The following OSR1 variants were observed in gnomAD, a reference collection of about 807,000 sequenced individuals.
OSR1 encodes the protein odd-skipped related transcription factor 1.
Under a neutral mutation model 15.7 loss-of-function variants are expected in OSR1, and 3 were observed. The ratio of observed to expected loss-of-function variants is 0.19; its 90% CI spans 0.09 to 0.50. OSR1 has a LOEUF of 0.50. Ranked by LOEUF, OSR1 falls within the 20% of genes least tolerant of loss-of-function variation. OSR1 has a pLI of 0.97. For synonymous variants in OSR1, 166 were observed against 152.7 expected (o/e 1.09, Z -0.64); for missense variants, 271 against 351.1 (o/e 0.77, Z 1.82).
At chr2:19,348,663 G>T (rs1480920860), downstream of OSR1, among the ~76,000 whole-genome samples, 1 of 152,148 alleles carries the variant, frequency 6.6e-6, no homozygotes, top group Non-Finnish European at 1.5e-5. Flanking sequence ...GAATTCCGCG[G>T]CAAGGAAGTA....
At chr2:19,350,148 G>T (rs1330260994), downstream of OSR1, among the ~76,000 whole-genome samples, 2 of 152,228 alleles carry the variant, frequency 1.3e-5, no homozygotes, top group Admixed American at 1.3e-4. Context: ...GCAGCGCCCT[G>T]CCCCTCATCC....
chr2:19,355,516 A>T (rs1299755653), intron 1 of OSR1: 3 of 152,212 alleles, frequency 2.0e-5, no homozygotes, highest in African/African-American at 4.8e-5. Flanking sequence ...GGCAATGTTG[A>T]CCCAGGAAAA....
In OSR1 at chr2:19,357,186, A is replaced by G. The variant is rs889146090; in HGVS notation, c.-33+1155T>C. 2.6e-5 allele frequency among the ~76,000 whole-genome samples: 4 copies of G among 151,926 alleles called. No homozygotes were observed. The highest frequency in any genetic ancestry group is 5.9e-5 in the Non-Finnish European group (4 of 67,968). On this transcript the variant is annotated intron_variant, in intron 1 of 2. Transcript: ENST00000272223. The surrounding 1 kb of genome is among the most constrained non-coding windows in gnomAD (Gnocchi z 5.0). ...ATTCCCCAATCTTAATAAAACAGCAATTACCTCGAGGAGCCTGGGATGGAA... is the reference window on the plus strand; with the variant it reads ...ATTCCCCAATCTTAATAAAACAGCAGTTACCTCGAGGAGCCTGGGATGGAA...
At chr2:19,356,788 G>T (rs1285320710) in intron 1 of OSR1, 2 of 152,314 alleles carry the variant, frequency 1.3e-5, no homozygotes, top group Non-Finnish European at 2.9e-5. Flanking sequence ...GCGGGCACTC[G>T]CGTCCCTCGC....
chr2:19,349,582 G>A (rs45501493), downstream of OSR1, among the ~76,000 whole-genome samples: 1,575 of 152,310 alleles, frequency 0.01, 24 homozygotes, highest in African/African-American at 0.036. Flanking sequence ...TGGAGGTGGG[G>A]TGACCCAAAA....
Position 19,352,176 on chromosome 2 carries a change from G to C in OSR1, c.*99C>G, listed in dbSNP as rs1664854258. ...CAATGTTGGAGAGGTGGAAGGTCCCGAGCGAGCGCCTCTCCCGCTGCCCGC... is the reference window on the plus strand; with the variant it reads ...CAATGTTGGAGAGGTGGAAGGTCCCCAGCGAGCGCCTCTCCCGCTGCCCGC... On this transcript the variant is annotated 3_prime_UTR_variant, in exon 3 of 3. Coordinates refer to ENST00000272223, the MANE Select transcript of OSR1 (RefSeq NM_145260.3). 5 of 1,386,014 alleles carry C rather than the reference G, an allele frequency of 3.6e-6. No homozygotes were observed. In the South Asian group the frequency reaches 5.3e-5, roughly 15 times the overall value. The allele number at this position is 1,386,014 out of a possible 1,614,324, so 85.9% of individuals were successfully genotyped here.
At chr2:19,347,698 G>C (rs546148376), downstream of OSR1, among the ~76,000 whole-genome samples, 26 of 152,336 alleles carry the variant, frequency 1.7e-4, no homozygotes, top group African/African-American at 6.0e-4. Flanking sequence ...CTACCTCAGA[G>C]AGGCTGCCCA....
rs938848183 is a variant in OSR1, at chr2:19,352,127, C to T, written c.*148G>A. The T allele has an allele frequency of 3.2e-5, 28 of 886,280 alleles. No individual in the cohort carries two copies. Among genetic ancestry groups the T allele is most frequent in the Non-Finnish European group, 4.2e-5 (26 of 613,958 alleles). The allele number at this position is 886,280 out of a possible 1,614,324, so 54.9% of individuals were successfully genotyped here. A position where few individuals can be genotyped will look rare whatever the true frequency, so the allele number is the denominator to read the frequency against. Reference sequence around the variant, plus strand: ...GGCCCCGGGCGGGGCTCTGAAGTGCCGCGTGCGCCAGGGACCCAGGGGACA... The same window carrying T: ...GGCCCCGGGCGGGGCTCTGAAGTGCTGCGTGCGCCAGGGACCCAGGGGACA... On this transcript the variant is annotated 3_prime_UTR_variant, in exon 3 of 3. Transcript: ENST00000272223.
At chr2:19,345,223 G>A in the OSR1 span, among the ~76,000 whole-genome samples, 1 of 152,232 alleles carries the variant, frequency 6.6e-6, no homozygotes, top group African/African-American at 2.4e-5. Flanking sequence ...AGATGAGTAG[G>A]TTGCGAAAAT....
intron 1 of OSR1, chr2:19,358,040 T>A (rs1664985400): frequency 6.6e-6 from 1 of 152,220 alleles, no homozygotes; most frequent in South Asian, 2.1e-4. Context: ...AGATTGACTT[T>A]CAAAGTCCGT....
chr2:19,356,020 C>G (rs1664941792), intron 1 of OSR1: 1 of 152,494 alleles, frequency 6.6e-6, no homozygotes, highest in South Asian at 2.1e-4. Flanking sequence ...GAAATCAGAT[C>G]CTTATCTCCG....
downstream of OSR1, among the ~76,000 whole-genome samples, chr2:19,347,759 G>A (rs151201451): frequency 5.6e-4 from 86 of 152,304 alleles, 1 homozygote; most frequent in African/African-American, 2.0e-3. Flanking sequence ...GACCCGCCGC[G>A]CCACCCTCGC....
downstream of OSR1, among the ~76,000 whole-genome samples, chr2:19,350,353 C>T (rs1664812296): frequency 6.6e-6 from 1 of 152,178 alleles, no homozygotes; most frequent in Non-Finnish European, 1.5e-5. Context: ...CCTCCAGTGC[C>T]CAGTTGGGTT....
At chr2:19,349,717 C>T (rs1385749085), downstream of OSR1, among the ~76,000 whole-genome samples, 1 of 152,088 alleles carries the variant, frequency 6.6e-6, no homozygotes, top group Non-Finnish European at 1.5e-5. Flanking sequence ...GGAGGGATGT[C>T]AGGGGCTAGG....
chr2:19,352,503 C>A, intron 2 of OSR1, 93 bp from the exon 3 acceptor site: 1 of 1,456,824 alleles, frequency 6.9e-7, no homozygotes, highest in Non-Finnish European at 9.4e-7. Flanking sequence ...GGGGCACTTG[C>A]CCTCAAAGGA....
chr2:19,353,975 C>T, intron 1 of OSR1, 138 bp from the exon 2 acceptor site: 1 of 686,324 alleles, frequency 1.5e-6, no homozygotes, highest in Non-Finnish European at 2.4e-6. Context: ...GACCCCATTC[C>T]CAAAACCCAC....
chr2:19,353,131 A>G lies in OSR1; in HGVS notation c.665+10T>C. ...GAGAGCTCTCTCTTGCGCCACCCGC[A>G]GTGCCGCACCTGTGGTCTCGCAGGT... On this transcript the variant is annotated intron_variant, in intron 2 of 2. Coordinates refer to ENST00000272223, the MANE Select transcript of OSR1 (RefSeq NM_145260.3). The G allele has an allele frequency of 6.2e-7, 1 of 1,611,898 alleles. No homozygotes were observed. The highest frequency in any genetic ancestry group is 2.2e-5 in the East Asian group (1 of 44,838).
downstream of OSR1, among the ~76,000 whole-genome samples, chr2:19,349,357 C>T (rs983835983): frequency 6.6e-6 from 1 of 152,132 alleles, no homozygotes; most frequent in Admixed American, 6.5e-5. Context: ...TGCAGGGAGA[C>T]GTGATCTCTG....
downstream of OSR1, among the ~76,000 whole-genome samples, chr2:19,349,359 T>A (rs1216835320): frequency 6.6e-6 from 1 of 152,168 alleles, no homozygotes; most frequent in Non-Finnish European, 1.5e-5. Flanking sequence ...CAGGGAGACG[T>A]GATCTCTGAG....
Sources: allele counts gnomAD v4.1 joint callset (sites outside exome capture counted in the v4.1 genomes callset), GRCh38; gene constraint gnomAD v4.1.1; non-coding constraint Gnocchi (gnomAD v3.1); transcripts MANE v1.5; gene names NCBI Gene and HGNC (gene_info 2026-07-23, HGNC 2026-07-21).